Variants in ZFAT observed in about 807,000 individuals in gnomAD.
ZFAT encodes the protein zinc finger protein ZFAT.
Under a neutral mutation model 117.7 loss-of-function variants are expected in ZFAT, and 64 were observed. That is an observed-to-expected ratio of 0.54 (90% CI 0.44 to 0.67). The LOEUF is 0.67. Ranked by LOEUF, ZFAT falls within the 30% of genes least tolerant of loss-of-function variation. ZFAT has a pLI of 0.00. For missense variants in ZFAT, 1,433 were observed against 1,584.5 expected, an observed-to-expected ratio of 0.90 and a Z score of 1.62; for synonymous variants, 679 against 615.0, an observed-to-expected ratio of 1.10 and a Z score of -1.54.
upstream of ZFAT, among the ~76,000 whole-genome samples, chr8:134,717,487 T>TTTTTTTTG: frequency 1.0e-5 from 1 of 95,754 alleles, no homozygotes; most frequent in Non-Finnish European, 2.1e-5. Flanking sequence ...TTTTTTTTTT[T>TTTTTTTTG]TTTTTTTTTT....
intron 7 of ZFAT, chr8:134,598,448 G>A (rs890487480): frequency 2.0e-5 from 3 of 152,220 alleles, no homozygotes; most frequent in African/African-American, 7.2e-5. Context: ...CTCTTTAGAT[G>A]CTGGTTTATT....
the ZFAT span, among the ~76,000 whole-genome samples, chr8:134,750,518 T>C: frequency 4.6e-5 from 7 of 152,180 alleles, no homozygotes; most frequent in East Asian, 3.8e-4. Flanking sequence ...TAATCTCAAA[T>C]TGAAATATTT....
chr8:134,561,414 G>A (rs6993032), intron 11 of ZFAT, among the ~76,000 whole-genome samples: 71,644 of 151,336 alleles, frequency 0.47, 17,117 homozygotes, highest in East Asian at 0.56. Context: ...GTAAACCTAG[G>A]CACCGATTTC....
intron 9 of ZFAT, among the ~76,000 whole-genome samples, chr8:134,586,934 A>C (rs1826110188): frequency 6.6e-6 from 1 of 152,202 alleles, no homozygotes; most frequent in South Asian, 2.1e-4. Context: ...GGATGGTAAC[A>C]GCATCTGCCT....
At chr8:134,498,339 C>G (rs1266936138) in intron 15 of ZFAT, among the ~76,000 whole-genome samples, 1 of 147,722 alleles carries the variant, frequency 6.8e-6, no homozygotes, top group Non-Finnish European at 1.5e-5. Flanking sequence ...GCTGGGATGC[C>G]CCCGTTGCTG....
chr8:134,698,168 C>CA (rs942723476), intron 1 of ZFAT, among the ~76,000 whole-genome samples: 3 of 151,416 alleles, frequency 2.0e-5, no homozygotes, highest in East Asian at 2.0e-4. Context: ...ATTAAACATA[C>CA]AAAAAAAATT....
intron 1 of ZFAT, among the ~76,000 whole-genome samples, chr8:134,698,863 C>A (rs1833941904): frequency 6.6e-6 from 1 of 152,210 alleles, no homozygotes; most frequent in South Asian, 2.1e-4. Flanking sequence ...CCAATTCAAG[C>A]CCTTCTGTGG....
At chr8:134,527,307 A>G (rs1296669249) in intron 12 of ZFAT, among the ~76,000 whole-genome samples, 9 of 152,246 alleles carry the variant, frequency 5.9e-5, no homozygotes, top group Non-Finnish European at 1.5e-5. Flanking sequence ...CTTCAGAACT[A>G]AGATAATAAA....
intron 2 of ZFAT, among the ~76,000 whole-genome samples, chr8:134,643,045 G>A (rs550327928): frequency 3.9e-5 from 6 of 152,308 alleles, no homozygotes; most frequent in South Asian, 2.1e-4. Context: ...GAAATGCCAC[G>A]TAAATAATGG....
chr8:134,513,168 A>G (rs1819983634), intron 13 of ZFAT, among the ~76,000 whole-genome samples: 1 of 151,534 alleles, frequency 6.6e-6, no homozygotes, highest in Non-Finnish European at 1.5e-5. Flanking sequence ...CCAGCAGAGT[A>G]AGAGTTCAGA....
chr8:134,602,127 A>T lies in ZFAT; in HGVS notation c.1592T>A (p.Leu531His), dbSNP rs1827530501. 3 of 1,612,946 alleles carry T rather than the reference A, an allele frequency of 1.9e-6. No homozygotes were observed. The East Asian group carries it at 6.7e-5, about 36-fold the overall frequency. ...GTCCCCAGGACAGGCCTCTTCCTTGAGTGCATTCACGCCCTGGAGGGCAAA... is the reference window on the plus strand; with the variant it reads ...GTCCCCAGGACAGGCCTCTTCCTTGTGTGCATTCACGCCCTGGAGGGCAAA... ...EEFALQGVNALKEEACPGDTQ... is the reference protein window; with the variant it reads ...EEFALQGVNAHKEEACPGDTQ... The change falls in exon 6 of 16, where the codon CTC becomes CAC. Residue 531 changes from leucine to histidine, a missense_variant. Around this residue, in one of 5 missense-constraint regions of ZFAT, gnomAD observed 372 missense variants for 355.6 expected, o/e 1.05. Transcript: ENST00000377838.
the ZFAT span, among the ~76,000 whole-genome samples, chr8:134,744,856 A>G: frequency 6.7e-6 from 1 of 148,854 alleles, no homozygotes; most frequent in African/African-American, 2.5e-5. Context: ...CAGCCTCCCA[A>G]GTAGCTGGGA....
At chr8:134,764,374 T>A in the ZFAT span, among the ~76,000 whole-genome samples, 1 of 152,248 alleles carries the variant, frequency 6.6e-6, no homozygotes, top group Non-Finnish European at 1.5e-5. Context: ...AAATTGCTTG[T>A]AGTTCTGCAA....
At chr8:134,799,692 A>C in the ZFAT span, among the ~76,000 whole-genome samples, 1 of 152,218 alleles carries the variant, frequency 6.6e-6, no homozygotes, top group Admixed American at 6.5e-5. Context: ...TCGCAGAATC[A>C]AGATATGAGC....
the ZFAT span, among the ~76,000 whole-genome samples, chr8:134,748,591 T>C: frequency 1.3e-5 from 2 of 152,202 alleles, no homozygotes; most frequent in Non-Finnish European, 2.9e-5. Flanking sequence ...AATGTACGTA[T>C]GAGTATCTCT....
At chr8:134,513,358 T>C (rs1294673192) in intron 13 of ZFAT, among the ~76,000 whole-genome samples, 3 of 152,066 alleles carry the variant, frequency 2.0e-5, no homozygotes, top group African/African-American at 7.2e-5. Context: ...CCACCACACC[T>C]AGCTAATTTT....
chr8:134,741,255 T>C, the ZFAT span, among the ~76,000 whole-genome samples: 1,811 of 151,876 alleles, frequency 0.012, 40 homozygotes, highest in African/African-American at 0.042. Flanking sequence ...ATCTTTTAAC[T>C]TCATATTGGC....
the ZFAT span, among the ~76,000 whole-genome samples, chr8:134,725,605 C>T: frequency 6.6e-6 from 1 of 152,220 alleles, no homozygotes; most frequent in Non-Finnish European, 1.5e-5. Flanking sequence ...CTAATCACCT[C>T]CCATCAGGTC....
intron 2 of ZFAT, chr8:134,639,915 T>C: frequency 2.7e-6 from 1 of 375,284 alleles, no homozygotes; most frequent in Non-Finnish European, 5.2e-6. Context: ...GAGGATGTGA[T>C]TGTGAGTGAA....
Sources: gnomAD v4.1 joint callset for allele counts (sites outside exome capture counted in the v4.1 genomes callset) on GRCh38, gnomAD v4.1.1 for gene constraint, gnomAD v4.1.1 regional missense constraint, MANE v1.5 for transcripts, NCBI Gene and HGNC (gene_info 2026-07-23, HGNC 2026-07-21) for gene names.